Variants in FSTL4 observed in about 807,000 individuals in gnomAD.
FSTL4 encodes follistatin-related protein 4.
Under a neutral mutation model 78.2 loss-of-function variants are expected in FSTL4, and 28 were observed. That is an observed-to-expected ratio of 0.36 (90% CI 0.27 to 0.49). The LOEUF is 0.49. Among genes scored for constraint, FSTL4 ranks in the 20% least tolerant of loss-of-function variants. The pLI is 0.98. For synonymous variants in FSTL4, 422 were observed against 440.5 expected (o/e 0.96, Z 0.53); for missense variants, 922 against 1,084.9 (o/e 0.85, Z 2.11).
At chr5:133,535,495 G>C (rs1280664704) in intron 3 of FSTL4, among the ~76,000 whole-genome samples, 3 of 152,234 alleles carry the variant, frequency 2.0e-5, no homozygotes, top group Non-Finnish European at 4.4e-5. Flanking sequence ...AATTCTGCCC[G>C]TCCCTTCGTT....
intron 7 of FSTL4, among the ~76,000 whole-genome samples, chr5:133,240,685 C>T (rs73788008): frequency 7.2e-5 from 11 of 152,192 alleles, no homozygotes; most frequent in South Asian, 6.2e-4. Flanking sequence ...CTCATCTCTT[C>T]GCGCATGACT....
At position 133,406,623 on chromosome 5, in the gene FSTL4, G is replaced by A. The variant is rs376419064; in HGVS notation, c.161-5637C>T. On this transcript the variant is annotated intron_variant, in intron 3 of 15. Transcript: ENST00000265342. The stretch of plus-strand genomic sequence containing the variant: ...CCTGTAACGCCTCATTTATATTCAA[G>A]GGTTGGGATGAGAATCTGTAATTCC... 1.0e-3 allele frequency among the ~76,000 whole-genome samples: 152 copies of A among 152,280 alleles called. 7 individuals are homozygous for A. The South Asian group carries it at 0.03, about 31-fold the overall frequency.
intron 4 of FSTL4, among the ~76,000 whole-genome samples, chr5:133,328,133 G>A (rs1191868455): frequency 6.6e-6 from 1 of 152,198 alleles, no homozygotes; most frequent in Non-Finnish European, 1.5e-5. Flanking sequence ...AAACACACAC[G>A]AGGCCATGCA....
intron 4 of FSTL4, chr5:133,388,515 G>A (rs1580670516): frequency 6.6e-6 from 1 of 151,960 alleles, no homozygotes; most frequent in South Asian, 2.1e-4. Context: ...TAACTGAAGG[G>A]GAGAAGCTGC....
At chr5:133,205,151 T>TAA (rs1750455112) in intron 14 of FSTL4, among the ~76,000 whole-genome samples, 1 of 152,238 alleles carries the variant, frequency 6.6e-6, no homozygotes, top group African/African-American at 2.4e-5. Context: ...TTATTATATT[T>TAA]AAAGAATTTC....
chr5:133,580,521 G>A (rs1167115584), intron 2 of FSTL4, among the ~76,000 whole-genome samples: 1 of 152,214 alleles, frequency 6.6e-6, no homozygotes, highest in African/African-American at 2.4e-5. Context: ...CAAAGGAAAT[G>A]TAGAGAATAT....
chr5:133,617,869 T>G, the FSTL4 span, among the ~76,000 whole-genome samples: 1 of 151,654 alleles, frequency 6.6e-6, no homozygotes, highest in Non-Finnish European at 1.5e-5. Context: ...AAGATCTAGC[T>G]GGGAGGGCAT....
intron 7 of FSTL4, among the ~76,000 whole-genome samples, chr5:133,242,865 G>A (rs1751919988): frequency 6.6e-6 from 1 of 152,172 alleles, no homozygotes; most frequent in African/African-American, 2.4e-5. Flanking sequence ...TTAATGCAGA[G>A]CCTACAACCA....
At chr5:133,205,330 T>C (rs1219830056) in intron 14 of FSTL4, among the ~76,000 whole-genome samples, 1 of 152,222 alleles carries the variant, frequency 6.6e-6, no homozygotes, top group Non-Finnish European at 1.5e-5. Context: ...ATCCTGGGAA[T>C]GTGTTCCCTG....
chr5:133,627,713 A>G, the FSTL4 span, among the ~76,000 whole-genome samples: 11,377 of 152,212 alleles, frequency 0.075, 443 homozygotes, highest in South Asian at 0.17. Context: ...TTAATAGCCT[A>G]TTTAGACCAT....
chr5:133,547,279 CT>C (rs1362597208), intron 3 of FSTL4, among the ~76,000 whole-genome samples: 4 of 152,126 alleles, frequency 2.6e-5, no homozygotes, highest in Non-Finnish European at 5.9e-5. Flanking sequence ...TATCTTATAC[CT>C]GTCCATTCAT....
At chr5:133,321,322 C>T (rs1036934700) in intron 4 of FSTL4, among the ~76,000 whole-genome samples, 59 of 152,220 alleles carry the variant, frequency 3.9e-4, no homozygotes, top group Non-Finnish European at 7.2e-4. Context: ...GCACCCCTTA[C>T]CTTCATCACT....
At chr5:133,820,905 T>A in the FSTL4 span, among the ~76,000 whole-genome samples, 1 of 152,242 alleles carries the variant, frequency 6.6e-6, no homozygotes, top group Non-Finnish European at 1.5e-5. Flanking sequence ...ATGTATGTTA[T>A]TGATAGTGTA....
chr5:133,486,532 C>T (rs901120326), intron 3 of FSTL4, among the ~76,000 whole-genome samples: 1 of 152,146 alleles, frequency 6.6e-6, no homozygotes, highest in Non-Finnish European at 1.5e-5. Flanking sequence ...CATCTGAAAG[C>T]GCATTTGAGG....
the FSTL4 span, among the ~76,000 whole-genome samples, chr5:133,653,542 C>T: frequency 3.5e-4 from 53 of 152,152 alleles, no homozygotes; most frequent in Non-Finnish European, 5.1e-4. Flanking sequence ...TCTGCATCTT[C>T]GGCAGGAAAT....
intron 4 of FSTL4, among the ~76,000 whole-genome samples, chr5:133,374,538 C>T (rs1413574968): frequency 6.6e-6 from 1 of 152,138 alleles, no homozygotes; most frequent in African/African-American, 2.4e-5. Flanking sequence ...GGCAGTTAAA[C>T]AAGCAAACCA....
the FSTL4 span, among the ~76,000 whole-genome samples, chr5:133,686,971 G>A: frequency 1.3e-5 from 2 of 152,216 alleles, no homozygotes; most frequent in Non-Finnish European, 2.9e-5. Flanking sequence ...AGTCTTGGAG[G>A]GTGAGATGTT....
At chr5:133,370,195 C>T (rs1755263820) in intron 4 of FSTL4, among the ~76,000 whole-genome samples, 1 of 152,136 alleles carries the variant, frequency 6.6e-6, no homozygotes, top group South Asian at 2.1e-4. Context: ...CCAGAGTTCT[C>T]CAGGGCAGAA....
intron 3 of FSTL4, among the ~76,000 whole-genome samples, chr5:133,530,560 T>C (rs1211003469): frequency 2.6e-5 from 4 of 152,118 alleles, no homozygotes; most frequent in Non-Finnish European, 4.4e-5. Flanking sequence ...TTCAAGGAGA[T>C]TGTGGTGAGG....
Sources: allele counts gnomAD v4.1 joint callset (sites outside exome capture counted in the v4.1 genomes callset), GRCh38; gene constraint gnomAD v4.1.1; transcripts MANE v1.5; gene names NCBI Gene and HGNC (gene_info 2026-07-23, HGNC 2026-07-21).